Variants in GFRAL observed in about 807,000 individuals in gnomAD.
GFRAL encodes the protein GDNF family receptor alpha like, also known as GDNF family receptor alpha-like.
A neutral mutation model predicts 45.4 loss-of-function variants in GFRAL; 36 were observed. The observed-to-expected ratio is 0.79, with a 90% CI of 0.61 to 1.05. The LOEUF is 1.05. Among genes scored for constraint, GFRAL ranks in the 50% least tolerant of loss-of-function variants. The pLI is 0.00. For synonymous variants in GFRAL, 166 were observed against 154.1 expected (o/e 1.08, Z -0.57); for missense variants, 507 against 467.5 (o/e 1.08, Z -0.78).
intron 6 of GFRAL, among the ~76,000 whole-genome samples, chr6:55,362,241 C>G (rs537240823): frequency 5.6e-4 from 85 of 151,130 alleles, no homozygotes; most frequent in Non-Finnish European, 6.9e-4. Flanking sequence ...TGACTTGGAG[C>G]CCGCTATGTT....
intron 6 of GFRAL, among the ~76,000 whole-genome samples, chr6:55,369,980 T>C (rs1482209673): frequency 6.6e-6 from 1 of 152,192 alleles, no homozygotes; most frequent in African/African-American, 2.4e-5. Context: ...TGGTGGGTCA[T>C]AGCCTTGGGC....
chr6:55,384,505 A>G (rs1253269327), intron 6 of GFRAL, among the ~76,000 whole-genome samples: 1 of 152,086 alleles, frequency 6.6e-6, no homozygotes, highest in Non-Finnish European at 1.5e-5. Context: ...GATGGGACAG[A>G]TAAAAGTCAA....
intron 6 of GFRAL, among the ~76,000 whole-genome samples, chr6:55,369,214 G>C (rs551526606): frequency 1.3e-5 from 2 of 152,198 alleles, no homozygotes; most frequent in Non-Finnish European, 1.5e-5. Flanking sequence ...TCCAGGTGCC[G>C]TCCGTCACCC....
intron 6 of GFRAL, among the ~76,000 whole-genome samples, chr6:55,371,768 T>C (rs1768453679): frequency 1.3e-5 from 2 of 152,252 alleles, no homozygotes; most frequent in Non-Finnish European, 2.9e-5. Context: ...ATGGTTCTAA[T>C]ATTGTTAGAC....
intron 8 of GFRAL, among the ~76,000 whole-genome samples, chr6:55,401,330 G>A (rs1546295): frequency 0.012 from 1,757 of 152,110 alleles, 10 homozygotes; most frequent in Non-Finnish European, 0.02. Flanking sequence ...AGCATCATTG[G>A]CAACAAAACC....
intron 3 of GFRAL, among the ~76,000 whole-genome samples, chr6:55,339,330 TA>T (rs1178148553): frequency 3.9e-5 from 6 of 152,290 alleles, no homozygotes; most frequent in East Asian, 1.9e-4. Context: ...GGAATGTTGG[TA>T]TTTTTTTTCT....
intron 6 of GFRAL, among the ~76,000 whole-genome samples, chr6:55,369,603 G>T (rs2088942): frequency 0.19 from 28,880 of 152,020 alleles, 3,160 homozygotes; most frequent in African/African-American, 0.3. Context: ...AAATGTTATT[G>T]CACGTATGTA....
At chr6:55,367,394 C>G (rs1242756643) in intron 6 of GFRAL, among the ~76,000 whole-genome samples, 5 of 144,356 alleles carry the variant, frequency 3.5e-5, no homozygotes, top group Non-Finnish European at 6.0e-5. Flanking sequence ...ACTCTTGATC[C>G]AATTTGCCAG....
intron 3 of GFRAL, among the ~76,000 whole-genome samples, chr6:55,340,530 A>T (rs537764900): frequency 6.6e-6 from 1 of 152,224 alleles, no homozygotes; most frequent in East Asian, 1.9e-4. Flanking sequence ...GAGCAAACAA[A>T]AGTGGTTGGC....
rs149468645 is a variant in GFRAL, at chr6:55,369,764, T to G, written c.952+10626T>G. 1.6e-3 allele frequency among the ~76,000 whole-genome samples: 248 copies of G among 152,358 alleles called. 1 individual carries two copies. Among genetic ancestry groups the G allele is most frequent in the Middle Eastern group, 0.01 (3 of 294 alleles). ...TCAATATTTTTAATTTGTATTTTTA[T>G]TATAAATAATATGGAACATCTTTTC... On this transcript the variant is annotated intron_variant, in intron 6 of 8. Coordinates refer to ENST00000340465, the MANE Select transcript of GFRAL (RefSeq NM_207410.2).
chr6:55,380,723 C>T (rs1321707921), intron 6 of GFRAL, among the ~76,000 whole-genome samples: 1 of 151,824 alleles, frequency 6.6e-6, no homozygotes, highest in African/African-American at 2.4e-5. Context: ...ACTCCAGTGC[C>T]CAAAACAATT....
intron 3 of GFRAL, among the ~76,000 whole-genome samples, chr6:55,345,571 G>T (rs890251369): frequency 3.9e-5 from 6 of 152,258 alleles, no homozygotes; most frequent in African/African-American, 1.4e-4. Flanking sequence ...TTACATGTTA[G>T]ACCTACAACC....
intron 5 of GFRAL, among the ~76,000 whole-genome samples, chr6:55,351,891 A>G (rs77921051): frequency 0.068 from 10,300 of 152,000 alleles, 366 homozygotes; most frequent in South Asian, 0.17. Flanking sequence ...TGACTTACAT[A>G]TCAGCTTTTT....
At chr6:55,381,591 T>A (rs935428530) in intron 6 of GFRAL, among the ~76,000 whole-genome samples, 15 of 151,942 alleles carry the variant, frequency 9.9e-5, no homozygotes, top group Non-Finnish European at 2.2e-4. Context: ...TGGAGGTGCA[T>A]GATACATAGT....
intron 5 of GFRAL, among the ~76,000 whole-genome samples, chr6:55,357,616 G>C (rs931789820): frequency 6.6e-6 from 1 of 151,106 alleles, no homozygotes; most frequent in Non-Finnish European, 1.5e-5. Flanking sequence ...TTTTTAATCC[G>C]TTTAATCCAT....
chr6:55,373,341 A>G (rs1018716683), intron 6 of GFRAL, among the ~76,000 whole-genome samples: 2 of 152,156 alleles, frequency 1.3e-5, no homozygotes, highest in South Asian at 4.1e-4. Context: ...CTCGGGGAAC[A>G]TGGAATGTTC....
rs141669952 is a variant in GFRAL at position 55,384,066 on chromosome 6, G to C, written c.953-15114G>C. ...AAGATCTCACTCATAAGTGAGAGTT[G>C]AACAATGAGAACACATGGACACAGG... On this transcript the variant is annotated intron_variant, in intron 6 of 8. Transcript: ENST00000340465. 2.1e-3 allele frequency among the ~76,000 whole-genome samples: 324 copies of C among 152,122 alleles called. 3 individuals carry two copies. The highest frequency in any genetic ancestry group is 7.3e-3 in the African/African-American group (303 of 41,522).
At position 55,401,933 on chromosome 6, in the gene GFRAL, TCCTCTCTTCTCCTCTCCTCCCCTCC is replaced by T; in HGVS notation, c.*88_*112del. ...TCCTCTTTTCTTCTCTCCTCTCCTC[TCCTCTCTTCTCCTCTCCTCCCCTCC>T]CCTCTCTGTTTCTTTTTCTTTTTCT... On this transcript the variant is annotated 3_prime_UTR_variant, in exon 9 of 9. Transcript: ENST00000340465. 1.4e-6 allele frequency: 1 copy of T among 735,888 alleles called. No homozygotes were observed. The highest frequency in any genetic ancestry group is 2.4e-6 in the Non-Finnish European group (1 of 423,840). 45.6% of individuals were successfully genotyped at this position (735,888 alleles called of 1,614,324 possible).
chr6:55,392,293 T>C (rs1038392751), intron 6 of GFRAL, among the ~76,000 whole-genome samples: 3 of 152,222 alleles, frequency 2.0e-5, no homozygotes, highest in African/African-American at 7.2e-5. Context: ...GGGAGCAAGG[T>C]CATGCATCAT....
Sources: allele counts gnomAD v4.1 joint callset (sites outside exome capture counted in the v4.1 genomes callset), GRCh38; gene constraint gnomAD v4.1.1; transcripts MANE v1.5; gene names NCBI Gene and HGNC (gene_info 2026-07-23, HGNC 2026-07-21).